WFS1: variants seen among roughly 807,000 people sequenced by gnomAD.
The protein encoded by WFS1 is wolframin.
Under a neutral mutation model 68.5 loss-of-function variants are expected in WFS1, and 90 were observed. That is an observed-to-expected ratio of 1.31 (90% confidence interval 1.11 to 1.56). WFS1 has a LOEUF of 1.56. Among genes scored for constraint, WFS1 ranks in the 40% most tolerant of loss-of-function variants. WFS1 has a pLI of 0.00. For missense variants in WFS1, 1,767 were observed against 1,232.6 expected (o/e 1.43, Z -6.49); for synonymous variants, 860 against 540.7 (o/e 1.59, Z -8.19).
chr4:6,278,297 G>C (rs576104871), intron 2 of WFS1, among the ~76,000 whole-genome samples: 2 of 152,338 alleles, frequency 1.3e-5, no homozygotes, highest in South Asian at 4.1e-4. Context: ...AGGCTTGTTG[G>C]TTCCTGGGTG....
rs1341357529 is a variant in WFS1, at chr4:6,287,210, G to A, written c.315+35G>A. On this transcript the variant is annotated intron_variant, in intron 3 of 7. Transcript: ENST00000226760. The surrounding 1 kb of genome is among the most constrained non-coding windows in gnomAD (Gnocchi z 6.4). ...GCGGTGCCGGCAGGGACTTCGGGAC[G>A]CGGCCCCCGGCACAACAGGCCTGGC... is the stretch of plus-strand genomic sequence containing the variant. 7 of 1,529,558 alleles carry A rather than the reference G, an allele frequency of 4.6e-6. No individual in the cohort carries two copies. The highest frequency in any genetic ancestry group is 2.4e-5 in the South Asian group (2 of 83,558). The allele number at this position is 1,529,558 out of a possible 1,614,324, so 94.7% of individuals were successfully genotyped here. A position where few individuals can be genotyped will look rare whatever the true frequency, so the allele number is the denominator to read the frequency against.
intron 2 of WFS1, among the ~76,000 whole-genome samples, chr4:6,281,951 C>G (rs1395486221): frequency 6.6e-6 from 1 of 152,210 alleles, no homozygotes; most frequent in East Asian, 1.9e-4. Context: ...CGGACGTCAC[C>G]TCCAGGAACC....
chr4:6,274,520 C>T (rs936897746), intron 1 of WFS1, among the ~76,000 whole-genome samples: 2 of 152,072 alleles, frequency 1.3e-5, no homozygotes, highest in Admixed American at 6.6e-5. Context: ...ATGTTGCTTC[C>T]AGCTGTAACC....
rs368236000 is a variant in WFS1 at position 6,301,678 on chromosome 4, C to T, written c.1883C>T (p.Thr628Met). 207 of 1,614,092 alleles carry T rather than the reference C, an allele frequency of 1.3e-4. No homozygotes were observed. Among genetic ancestry groups the T allele is most frequent in the Non-Finnish European group, 1.7e-4 (198 of 1,180,036 alleles). ...GTGGTGGGGATGGTGAAGTCCCTGA[C>T]GCGGAGCTCCATGGTCAAGCTCATC... Reference protein sequence around the residue: ...FSVVGMVKSLTRSSMVKLILV... With the variant: ...FSVVGMVKSLMRSSMVKLILV... Residue 628 changes from threonine to methionine, a missense_variant, in exon 8 of 8, where the codon ACG (threonine) becomes ATG (methionine). Coordinates refer to ENST00000226760, the MANE Select transcript of WFS1 (RefSeq NM_006005.3).
At position 6,298,176 on chromosome 4, in the gene WFS1, G is replaced by C. The variant is rs541715105; in HGVS notation, c.862-2481G>C. On this transcript the variant is annotated intron_variant, in intron 7 of 7. Transcript: ENST00000226760. ...GCCACCTTTAGTTGTCCTGCTGTTC[G>C]CAAGGCCCCCATACGGGGATTAACT... Among the ~76,000 whole-genome samples the C allele has an allele frequency of 7.2e-5, 11 of 152,350 alleles. No homozygotes were observed. In the South Asian group the frequency reaches 1.9e-3, roughly 26 times the overall value.
chr4:6,291,294 G>C lies in WFS1; in HGVS notation c.558G>C (p.Lys186Asn), dbSNP rs1252547123. The C allele has an allele frequency of 4.3e-6, 7 of 1,613,438 alleles. No homozygotes were observed. Among genetic ancestry groups the C allele is most frequent in the African/African-American group, 1.3e-5 (1 of 74,894 alleles). The change falls in exon 5 of 8, where the codon AAG becomes AAC. Residue 186 changes from lysine (K) to asparagine (N), a missense_variant. By Grantham distance (94) the Lys-to-Asn change is moderately conservative (BLOSUM62 0). Coordinates refer to ENST00000226760, the MANE Select transcript of WFS1 (RefSeq NM_006005.3). ...AGGCAGCCCTGGTCATGTACTGGAA[G>C]CTCAACCCCAAGAAGAAGAAGCAGG... ...VRKAALVMYWKLNPKKKKQVA... is the reference protein window; with the variant it reads ...VRKAALVMYWNLNPKKKKQVA...
At chr4:6,275,375 C>T (rs1160500433) in intron 1 of WFS1, among the ~76,000 whole-genome samples, 1 of 152,172 alleles carries the variant, frequency 6.6e-6, no homozygotes, top group Non-Finnish European at 1.5e-5. Flanking sequence ...GTTCTACGTG[C>T]GATCCTGTAT....
chr4:6,274,077 C>G (rs1410229181), intron 1 of WFS1, among the ~76,000 whole-genome samples: 3 of 150,102 alleles, frequency 2.0e-5, no homozygotes, highest in African/African-American at 7.4e-5. Flanking sequence ...GACGGAGTCT[C>G]GCTTTGTCAC....
intron 7 of WFS1, among the ~76,000 whole-genome samples, chr4:6,300,035 G>A (rs953752920): frequency 9.3e-4 from 142 of 152,110 alleles, no homozygotes; most frequent in African/African-American, 3.3e-3. Flanking sequence ...GCCATAGGGA[G>A]GGCAGCTCAC....
intron 7 of WFS1, 103 bp from the exon 8 acceptor site, chr4:6,300,554 C>CG: frequency 6.5e-7 from 1 of 1,542,718 alleles, no homozygotes; most frequent in Non-Finnish European, 8.8e-7. Context: ...CGCAAGGGTG[C>CG]GGGTTCCTTT....
In WFS1 at chr4:6,302,703, T is replaced by G; in HGVS notation, c.*235T>G. Reference sequence around the variant, plus strand: ...TGGGAATTGCATGCCATCTCCACCCTGAGCCTGACCTTTCTGAGTGACATG... The same window carrying G: ...TGGGAATTGCATGCCATCTCCACCCGGAGCCTGACCTTTCTGAGTGACATG... On this transcript the variant is annotated 3_prime_UTR_variant, in exon 8 of 8. Transcript: ENST00000226760. 1 of 636,600 alleles carries G rather than the reference T, an allele frequency of 1.6e-6. No homozygotes were observed. The highest frequency in any genetic ancestry group is 2.7e-6 in the Non-Finnish European group (1 of 372,782). The allele number at this position is 636,600 out of a possible 1,614,324, so 39.4% of individuals were successfully genotyped here.
chr4:6,279,823 T>C (rs939817616), intron 2 of WFS1, among the ~76,000 whole-genome samples: 4 of 152,196 alleles, frequency 2.6e-5, no homozygotes, highest in African/African-American at 9.6e-5. Context: ...CCTTGGCCTG[T>C]ACACTTGGGA....
intron 2 of WFS1, among the ~76,000 whole-genome samples, chr4:6,282,471 T>TGAGG (rs1448306410): frequency 6.6e-6 from 1 of 152,052 alleles, no homozygotes; most frequent in Non-Finnish European, 1.5e-5. Context: ...CCAGGACCAG[T>TGAGG]GAGGGAGGGA....
At position 6,301,493 on chromosome 4, in the gene WFS1, C is replaced by G. The variant is rs1466910093; in HGVS notation, c.1698C>G (p.Phe566Leu). The G allele has an allele frequency of 6.2e-7, 1 of 1,613,326 alleles. No individual in the cohort carries two copies. Among genetic ancestry groups the G allele is most frequent in the East Asian group, 2.2e-5 (1 of 44,880 alleles). Reference protein sequence around the residue: ...LLRASIGYFLFLFALPILVAG... With the variant: ...LLRASIGYFLLLFALPILVAG... ...GCGCCTCCATCGGCTACTTCCTCTT[C>G]CTCTTTGCCCTCCCCATCCTGGTGG... is the stretch of plus-strand genomic sequence containing the variant. Residue 566 changes from phenylalanine (F) to leucine (L), a missense_variant, in exon 8 of 8, where the codon TTC becomes TTG. Phe to Leu is a conservative substitution (Grantham distance 22, BLOSUM62 0). Coordinates refer to ENST00000226760, the MANE Select transcript of WFS1 (RefSeq NM_006005.3).
intron 2 of WFS1, among the ~76,000 whole-genome samples, chr4:6,277,998 T>C (rs896224261): frequency 3.3e-5 from 5 of 152,216 alleles, no homozygotes; most frequent in African/African-American, 1.2e-4. Context: ...GTGGAGTAAA[T>C]TCACGGGCCC....
rs1484355671 is a variant in WFS1 at position 6,291,310 on chromosome 4, A to C, written c.574A>C (p.Lys192Gln). ...GTACTGGAAGCTCAACCCCAAGAAG[A>C]AGAAGCAGGTGGCCGTGGCGGAGCT... ...VMYWKLNPKK[K>Q]KQVAVAELLE... The change falls in exon 5 of 8, where the codon AAG (lysine) becomes CAG (glutamine). Residue 192 changes from lysine to glutamine, a missense_variant. By Grantham distance (53) the Lys-to-Gln change is moderately conservative (BLOSUM62 1). Coordinates refer to ENST00000226760, the MANE Select transcript of WFS1 (RefSeq NM_006005.3). 10 of 1,613,298 alleles carry C rather than the reference A, an allele frequency of 6.2e-6. No homozygotes were observed. The highest frequency in any genetic ancestry group is 8.5e-6 in the Non-Finnish European group (10 of 1,180,004).
chr4:6,300,081 G>A (rs1474019090), intron 7 of WFS1, among the ~76,000 whole-genome samples: 1 of 152,038 alleles, frequency 6.6e-6, no homozygotes, highest in Non-Finnish European at 1.5e-5. Context: ...TATTTTTGCT[G>A]GGAGAGTGGT....
chr4:6,289,749 C>T (rs1456989011), intron 4 of WFS1, among the ~76,000 whole-genome samples: 1 of 152,210 alleles, frequency 6.6e-6, no homozygotes, highest in Admixed American at 6.5e-5. Context: ...GAAGGTTCCA[C>T]GCCTCAGGGA....
At position 6,277,475 on chromosome 4, in the gene WFS1, C is replaced by T. The variant is rs138165486; in HGVS notation, c.20C>T (p.Pro7Leu). 4.5e-5 allele frequency: 70 copies of T among 1,557,222 alleles called. No homozygotes were observed. Among genetic ancestry groups the T allele is most frequent in the South Asian group, 5.9e-5 (5 of 84,624 alleles). Residue 7 changes from proline to leucine, a missense_variant, in exon 2 of 8, where the codon CCG becomes CTG. Physicochemically the swap from Pro to Leu is moderately conservative, Grantham distance 98. Coordinates refer to ENST00000226760, the MANE Select transcript of WFS1 (RefSeq NM_006005.3). Reference protein sequence around the residue: MDSNTAPLGPSCPQPPP... With the variant: MDSNTALLGPSCPQPPP... Reference sequence around the variant, plus strand: ...GGCAGGATGGACTCCAACACTGCTCCGCTGGGCCCCTCCTGCCCACAGCCC... The same window carrying T: ...GGCAGGATGGACTCCAACACTGCTCTGCTGGGCCCCTCCTGCCCACAGCCC...
Sources: gnomAD v4.1 joint callset for allele counts (sites outside exome capture counted in the v4.1 genomes callset) on GRCh38, gnomAD v4.1.1 for gene constraint, Gnocchi (gnomAD v3.1) non-coding constraint, MANE v1.5 for transcripts, NCBI Gene and HGNC (gene_info 2026-07-23, HGNC 2026-07-21) for gene names.